The following FMNL2 variants were observed in gnomAD, a reference collection of about 807,000 sequenced individuals.
FMNL2 encodes the protein formin-like protein 2.
FMNL2 carries 51 observed loss-of-function variants against 130.2 expected under a neutral mutation model. The observed-to-expected ratio is 0.39, with a 90% CI of 0.31 to 0.49. The LOEUF (loss-of-function observed/expected upper bound fraction) is 0.49, where lower values mean the gene tolerates loss of function less well. Ranked by LOEUF, FMNL2 falls within the 20% of genes least tolerant of loss-of-function variation. The pLI, the probability that FMNL2 is intolerant of heterozygous loss-of-function variation, is 0.85. For synonymous variants in FMNL2, 465 were observed against 467.1 expected, an observed-to-expected ratio of 1.00 and a Z score of 0.06; for missense variants, 977 against 1,316.2, an observed-to-expected ratio of 0.74 and a Z score of 3.99.
intron 6 of FMNL2, among the ~76,000 whole-genome samples, chr2:152,563,520 G>A (rs909564943): frequency 1.3e-5 from 2 of 152,008 alleles, no homozygotes; most frequent in African/African-American, 4.8e-5. Context: ...TTCTGTATTT[G>A]GTCATTGGAT....
chr2:152,425,268 A>G (rs1469938658), intron 1 of FMNL2, among the ~76,000 whole-genome samples: 2 of 152,194 alleles, frequency 1.3e-5, no homozygotes, highest in South Asian at 4.1e-4. Context: ...TTTCTAGGTA[A>G]GAGTGCTATG....
chr2:152,480,433 C>G (rs1248636325), intron 1 of FMNL2, among the ~76,000 whole-genome samples: 3 of 151,894 alleles, frequency 2.0e-5, no homozygotes, highest in Non-Finnish European at 4.4e-5. Flanking sequence ...AGTCCAGAAC[C>G]AGCCTGGCCG....
At chr2:152,454,936 T>C (rs1390668309) in intron 1 of FMNL2, among the ~76,000 whole-genome samples, 1 of 152,182 alleles carries the variant, frequency 6.6e-6, no homozygotes, top group African/African-American at 2.4e-5. Context: ...GCATCAGTGC[T>C]GCGTCAGGGT....
intron 21 of FMNL2, among the ~76,000 whole-genome samples, 155 bp downstream of exon 21, chr2:152,632,292 G>A (rs1316669479): frequency 1.3e-5 from 2 of 152,214 alleles, no homozygotes; most frequent in African/African-American, 4.8e-5. Context: ...CCGTGGTGTT[G>A]TCCACCCCTG....
intron 1 of FMNL2, among the ~76,000 whole-genome samples, chr2:152,395,441 C>G (rs1685339920): frequency 6.6e-6 from 1 of 152,134 alleles, no homozygotes. Context: ...TAGATTATGC[C>G]CCAGATGGCC....
chr2:152,391,649 C>T (rs550025615), intron 1 of FMNL2, among the ~76,000 whole-genome samples: 9 of 151,688 alleles, frequency 5.9e-5, no homozygotes, highest in Non-Finnish European at 1.2e-4. Context: ...AATGAGACAC[C>T]GACTTTCCCA....
At chr2:152,638,492 T>C (rs951383948) in intron 23 of FMNL2, among the ~76,000 whole-genome samples, 1 of 152,198 alleles carries the variant, frequency 6.6e-6, no homozygotes, top group East Asian at 1.9e-4. Flanking sequence ...AGGGGGACAC[T>C]TCCCTAACAC....
intron 2 of FMNL2, among the ~76,000 whole-genome samples, chr2:152,529,810 C>T (rs907771225): frequency 5.3e-5 from 8 of 152,110 alleles, no homozygotes; most frequent in Non-Finnish European, 7.3e-5. Flanking sequence ...GGAGAGGAAA[C>T]AATTATCCCT....
chr2:152,435,049 A>G (rs138255601), intron 1 of FMNL2, among the ~76,000 whole-genome samples: 1 of 152,220 alleles, frequency 6.6e-6, no homozygotes, highest in African/African-American at 2.4e-5. Context: ...AAGCAGAGAG[A>G]TCAGAGATAC....
At chr2:152,416,123 TGAGTA>T (rs70974860) in intron 1 of FMNL2, among the ~76,000 whole-genome samples, 1 of 151,612 alleles carries the variant, frequency 6.6e-6, no homozygotes, top group Non-Finnish European at 1.5e-5. Context: ...GAGAGACTGG[TGAGTA>T]GAGGGATAGT....
intron 1 of FMNL2, among the ~76,000 whole-genome samples, chr2:152,450,298 A>G (rs756990180): frequency 3.3e-5 from 5 of 152,230 alleles, no homozygotes; most frequent in Non-Finnish European, 7.3e-5. Context: ...GAAGGATTTA[A>G]CAAATCAACA....
intron 9 of FMNL2, among the ~76,000 whole-genome samples, chr2:152,590,595 CAG>C (rs1003799439): frequency 4.0e-5 from 6 of 151,496 alleles, no homozygotes; most frequent in African/African-American, 1.5e-4. Flanking sequence ...GCCTAGGTGA[CAG>C]AGTAAGACTC....
chr2:152,524,989 A>G (rs7595822), intron 2 of FMNL2, among the ~76,000 whole-genome samples: 118,796 of 151,980 alleles, frequency 0.78, 47,779 homozygotes, highest in Non-Finnish European at 0.9. Context: ...TGTGGAGTGA[A>G]GTGCGCGTCC....
chr2:152,628,461 G>A lies in FMNL2; in HGVS notation c.2328G>A (p.Glu776=), dbSNP rs529121191. ...TCATGATGCAGTTTAGTAAAATCGA[G>A]AGGCTCATGCAGAAGATGACCATCA... The part of the protein sequence containing the change: ...DRFMMQFSKI[E]RLMQKMTIMA... The change falls in exon 18 of 26, where the codon GAG becomes GAA. Residue 776 remains glutamate (E), a synonymous_variant. Coordinates refer to ENST00000288670, the MANE Select transcript of FMNL2 (RefSeq NM_052905.4). The A allele has an allele frequency of 6.2e-6, 10 of 1,614,040 alleles. No individual in the cohort carries two copies. The African/African-American group carries it at 9.3e-5, about 15-fold the overall frequency.
intron 6 of FMNL2, among the ~76,000 whole-genome samples, chr2:152,574,452 A>AG (rs1345877641): frequency 1.3e-5 from 2 of 149,780 alleles, no homozygotes; most frequent in Admixed American, 1.3e-4. Flanking sequence ...AAAAAAAAAA[A>AG]AAGAAAAGAA....
chr2:152,495,653 CAA>C (rs55989531), intron 1 of FMNL2, among the ~76,000 whole-genome samples: 8 of 48,532 alleles, frequency 1.6e-4, no homozygotes, highest in South Asian at 1.7e-3. Context: ...TCCGTCTCAC[CAA>C]AAAAAAAAAA....
At chr2:152,617,498 AAC>A (rs1211307900) in intron 13 of FMNL2, among the ~76,000 whole-genome samples, 1 of 152,234 alleles carries the variant, frequency 6.6e-6, no homozygotes, top group Non-Finnish European at 1.5e-5. Context: ...TGGAAATAAA[AAC>A]ACAGCATGGA....
chr2:152,521,800 T>G, intron 1 of FMNL2, 143 bp from the exon 2 acceptor site: 1 of 659,988 alleles, frequency 1.5e-6, no homozygotes, highest in Non-Finnish European at 2.7e-6. Context: ...CTTCTGTGGG[T>G]GTTTTGGTTT....
chr2:152,452,799 G>GATGGGGAGGGC (rs1558875295), intron 1 of FMNL2, among the ~76,000 whole-genome samples: 4 of 152,052 alleles, frequency 2.6e-5, no homozygotes, highest in Admixed American at 6.5e-5. Context: ...GAGGGCTGTC[G>GATGGGGAGGGC]TACCAGGTGA....
Sources: gnomAD v4.1 joint callset for allele counts (sites outside exome capture counted in the v4.1 genomes callset) on GRCh38, gnomAD v4.1.1 for gene constraint, MANE v1.5 for transcripts, NCBI Gene and HGNC (gene_info 2026-07-23, HGNC 2026-07-21) for gene names.